Variants in KCNIP4 observed in about 807,000 individuals in gnomAD.
KCNIP4 encodes the protein Kv channel-interacting protein 4.
In KCNIP4, 12 loss-of-function variants were observed where a neutral mutation model predicts 34.0. The ratio of observed to expected loss-of-function variants is 0.35; its 90% CI spans 0.23 to 0.57. KCNIP4 has a LOEUF of 0.57. KCNIP4 is among the 20% of genes least tolerant of loss of function. The pLI is 0.83. For synonymous variants in KCNIP4, 124 were observed against 102.2 expected (o/e 1.21, Z -1.29); for missense variants, 238 against 311.7 (o/e 0.76, Z 1.78).
At chr4:21,629,984 G>T (rs1332685654) in intron 1 of KCNIP4, among the ~76,000 whole-genome samples, 8 of 146,864 alleles carry the variant, frequency 5.4e-5, no homozygotes, top group Admixed American at 4.1e-4. Flanking sequence ...TCTACTAGCT[G>T]AGACCATAGG....
intron 1 of KCNIP4, among the ~76,000 whole-genome samples, chr4:21,526,366 T>G (rs1560486803): frequency 6.6e-6 from 1 of 152,108 alleles, no homozygotes; most frequent in South Asian, 2.1e-4. Context: ...TCTTCTACCA[T>G]GATTTTGAGG....
intron 1 of KCNIP4, among the ~76,000 whole-genome samples, chr4:21,566,119 G>T (rs1419855853): frequency 6.6e-6 from 1 of 152,182 alleles, no homozygotes; most frequent in East Asian, 1.9e-4. Context: ...CTGAGAACTG[G>T]ATTGTGAGAT....
At chr4:21,709,468 T>A (rs1713545944) in intron 1 of KCNIP4, among the ~76,000 whole-genome samples, 1 of 152,186 alleles carries the variant, frequency 6.6e-6, no homozygotes, top group Non-Finnish European at 1.5e-5. Context: ...GAGACAGAGG[T>A]GCCCTACAGG....
At chr4:21,205,161 G>T (rs1398049243) in intron 1 of KCNIP4, among the ~76,000 whole-genome samples, 1 of 152,164 alleles carries the variant, frequency 6.6e-6, no homozygotes, top group African/African-American at 2.4e-5. Flanking sequence ...ACAATTTTCT[G>T]AGTGTAATTC....
chr4:21,556,920 C>CAAAAAAAAAAAAAAAAAAAAAAAAAA lies in KCNIP4; in HGVS notation c.61+391650_61+391651insTTTTTTTTTTTTTTTTTTTTTTTTTT, dbSNP rs1281543089. 3.4e-4 allele frequency among the ~76,000 whole-genome samples: 12 copies of CAAAAAAAAAAAAAAAAAAAAAAAAAA among 35,654 alleles called. 2 individuals are homozygous for CAAAAAAAAAAAAAAAAAAAAAAAAAA. The highest frequency in any genetic ancestry group is 2.5e-3 in the East Asian group (2 of 798). 23.4% of individuals were successfully genotyped at this position (35,654 alleles called of 152,430 possible). The stretch of plus-strand genomic sequence containing the variant: ...TGATCAACAAAGCAAGACTCCATCT[C>CAAAAAAAAAAAAAAAAAAAAAAAAAA]AGAAAAAAAAAAAAAAAAAAAAACC... On this transcript the variant is annotated intron_variant, in intron 1 of 8. Transcript: ENST00000382152.
intron 1 of KCNIP4, among the ~76,000 whole-genome samples, chr4:21,095,169 A>T (rs73802476): frequency 0.16 from 24,169 of 152,096 alleles, 1,999 homozygotes; most frequent in East Asian, 0.23. Context: ...TGAAAAGTAA[A>T]ATGTGCACAT....
intron 1 of KCNIP4, among the ~76,000 whole-genome samples, chr4:21,084,744 C>G (rs1235755420): frequency 1.3e-5 from 2 of 151,250 alleles, no homozygotes; most frequent in Non-Finnish European, 2.9e-5. Context: ...AGATCCTCAT[C>G]TCTCACTTGG....
chr4:21,444,035 T>C (rs911892016), intron 1 of KCNIP4, among the ~76,000 whole-genome samples: 1 of 152,078 alleles, frequency 6.6e-6, no homozygotes, highest in Non-Finnish European at 1.5e-5. Flanking sequence ...AAGAAATGGA[T>C]AAATTCCTCG....
intron 1 of KCNIP4, among the ~76,000 whole-genome samples, chr4:21,604,226 T>C (rs1743452200): frequency 6.6e-6 from 1 of 152,150 alleles, no homozygotes; most frequent in Admixed American, 6.6e-5. Context: ...TGTGGAGTCA[T>C]TTGCTTAAAG....
intron 1 of KCNIP4, among the ~76,000 whole-genome samples, chr4:21,918,789 T>C (rs1475536428): frequency 6.6e-6 from 1 of 152,094 alleles, no homozygotes; most frequent in Non-Finnish European, 1.5e-5. Flanking sequence ...GGATGAAATT[T>C]TCATGGGCAA....
chr4:20,883,522 T>A (rs1724948527), intron 1 of KCNIP4, among the ~76,000 whole-genome samples: 1 of 152,110 alleles, frequency 6.6e-6, no homozygotes, highest in Non-Finnish European at 1.5e-5. Context: ...CAAGTCAGCA[T>A]CAATTTACCC....
chr4:21,665,723 T>C (rs763401793), intron 1 of KCNIP4, among the ~76,000 whole-genome samples: 8 of 152,150 alleles, frequency 5.3e-5, no homozygotes, highest in African/African-American at 9.7e-5. Flanking sequence ...CAAGATAGCA[T>C]ATCATAAGGG....
rs112543560 is a variant in KCNIP4, at chr4:20,993,772, A to G, written c.62-111063T>C. 9.8e-5 allele frequency among the ~76,000 whole-genome samples: 15 copies of G among 152,342 alleles called. 2 individuals are homozygous for G. The highest frequency in any genetic ancestry group is 3.6e-4 in the African/African-American group (15 of 41,586). ...AATTACCACAAGCCTGGTGGCTAAA[A>G]CTGACACAAATTTATTATGTTACGG... On this transcript the variant is annotated intron_variant, in intron 1 of 8. Transcript: ENST00000382152.
intron 1 of KCNIP4, among the ~76,000 whole-genome samples, chr4:20,897,582 T>C (rs1375515984): frequency 2.6e-5 from 4 of 152,072 alleles, no homozygotes; most frequent in African/African-American, 9.7e-5. Context: ...GAGATAATGT[T>C]TTTAAAGAGG....
chr4:21,090,446 A>G (rs1746897613), intron 1 of KCNIP4, among the ~76,000 whole-genome samples: 1 of 152,118 alleles, frequency 6.6e-6, no homozygotes, highest in South Asian at 2.1e-4. Context: ...TACCCCCAAA[A>G]CTTAGGTAGG....
intron 1 of KCNIP4, among the ~76,000 whole-genome samples, chr4:21,131,868 G>A (rs138240827): frequency 9.3e-4 from 141 of 152,308 alleles, no homozygotes; most frequent in African/African-American, 3.3e-3. Context: ...AAGTGACTTT[G>A]ATCTAAACCT....
rs188402872 is a variant in KCNIP4, at chr4:21,219,554, A to G, written c.62-336845T>C. On this transcript the variant is annotated intron_variant, in intron 1 of 8. Coordinates refer to ENST00000382152, the MANE Select transcript of KCNIP4 (RefSeq NM_025221.6). ...TAGCCTTCACCATTCACTAATGGTTAAAGCTTACAAATCCTTGCCAATTAT... is the reference window on the plus strand; with the variant it reads ...TAGCCTTCACCATTCACTAATGGTTGAAGCTTACAAATCCTTGCCAATTAT... 3.5e-3 allele frequency among the ~76,000 whole-genome samples: 530 copies of G among 152,354 alleles called. 3 individuals carry two copies. Among genetic ancestry groups the G allele is most frequent in the South Asian group, 0.021 (101 of 4,830 alleles).
chr4:21,803,651 C>A (rs183445183), intron 1 of KCNIP4, among the ~76,000 whole-genome samples: 3 of 152,258 alleles, frequency 2.0e-5, no homozygotes, highest in East Asian at 1.9e-4. Context: ...GTCTCAGGTC[C>A]TTTCCCTTTG....
intron 1 of KCNIP4, among the ~76,000 whole-genome samples, chr4:21,710,794 A>C (rs1713663492): frequency 6.6e-6 from 1 of 152,222 alleles, no homozygotes; most frequent in Non-Finnish European, 1.5e-5. Flanking sequence ...ATTCAAAAAA[A>C]ATCTAGAGAT....
Sources: gnomAD v4.1 joint callset for allele counts (sites outside exome capture counted in the v4.1 genomes callset) on GRCh38, gnomAD v4.1.1 for gene constraint, MANE v1.5 for transcripts, NCBI Gene and HGNC (gene_info 2026-07-23, HGNC 2026-07-21) for gene names.